Variants in TCTN2 observed in about 807,000 individuals in gnomAD.
The protein encoded by TCTN2 is tectonic family member 2, also known as tectonic-2.
Under a neutral mutation model 83.4 loss-of-function variants are expected in TCTN2, and 66 were observed. The observed-to-expected ratio is 0.79, with a 90% confidence interval of 0.65 to 0.97. The LOEUF (loss-of-function observed/expected upper bound fraction) is 0.97, where lower values mean the gene tolerates loss of function less well. Among genes scored for constraint, TCTN2 ranks in the 50% least tolerant of loss-of-function variants. The pLI is 0.00. For missense variants in TCTN2, 794 were observed against 858.1 expected (o/e 0.93, Z 0.93); for synonymous variants, 301 against 326.7 (o/e 0.92, Z 0.85).
chr12:123,699,910 A>T (rs1180723927), intron 14 of TCTN2, 100 bp downstream of exon 14: 6 of 926,024 alleles, frequency 6.5e-6, no homozygotes, highest in Non-Finnish European at 1.1e-5. Flanking sequence ...CATCTTCCTG[A>T]GGCTTGACTG....
chr12:123,690,052 A>T (rs1956023192), intron 7 of TCTN2, among the ~76,000 whole-genome samples: 1 of 152,200 alleles, frequency 6.6e-6, no homozygotes, highest in Non-Finnish European at 1.5e-5. Flanking sequence ...CTCCCACTAC[A>T]GCCTTCCAAA....
chr12:123,677,891 A>C (rs1008819072), intron 4 of TCTN2, among the ~76,000 whole-genome samples: 8 of 151,856 alleles, frequency 5.3e-5, no homozygotes, highest in Non-Finnish European at 1.2e-4. Context: ...TGGCCTCCCA[A>C]AGTGCTGGGA....
chr12:123,694,764 A>C, intron 9 of TCTN2, 78 bp from the exon 10 acceptor site: 2 of 1,541,404 alleles, frequency 1.3e-6, no homozygotes, highest in Non-Finnish European at 1.8e-6. Context: ...AAGGCCACGC[A>C]AGCAGAGAGA....
At position 123,707,100 on chromosome 12, in the gene TCTN2, A is replaced by AATTATGT; in HGVS notation, c.1984+28_1984+34dup. On this transcript the variant is annotated intron_variant, in intron 17 of 17. Coordinates refer to ENST00000303372, the MANE Select transcript of TCTN2 (RefSeq NM_024809.5). ...TAGGGTGAAACAGATTTCTATGACCAATTATGTTATGTCAATTTAAAAAAA... is the reference window on the plus strand; with the variant it reads ...TAGGGTGAAACAGATTTCTATGACCAATTATGTATTATGTTATGTCAATTTAAAAAAA... 1.9e-6 allele frequency: 3 copies of AATTATGT among 1,600,656 alleles called. No homozygotes were observed. In the East Asian group the frequency reaches 6.7e-5, roughly 36 times the overall value.
At chr12:123,687,427 G>A (rs997952894) in intron 6 of TCTN2, among the ~76,000 whole-genome samples, 2 of 152,192 alleles carry the variant, frequency 1.3e-5, no homozygotes, top group Non-Finnish European at 2.9e-5. Flanking sequence ...GGAGGCCGAG[G>A]CGGGCAGATC....
At chr12:123,699,612 G>T in intron 13 of TCTN2, 92 bp from the exon 14 acceptor site, 1 of 1,049,292 alleles carries the variant, frequency 9.5e-7, no homozygotes. Flanking sequence ...TTTAATTTAG[G>T]CACTCGGAAG....
chr12:123,691,613 T>G (rs1956041838), intron 8 of TCTN2, among the ~76,000 whole-genome samples: 1 of 152,232 alleles, frequency 6.6e-6, no homozygotes, highest in Admixed American at 6.5e-5. Context: ...TGAACACTCG[T>G]GTCCAAGTTT....
chr12:123,708,007 C>CTTTTTTTTT lies in TCTN2; in HGVS notation c.*309_*317dup, dbSNP rs983291114. 5.1e-6 allele frequency: 1 copy of CTTTTTTTTT among 196,450 alleles called. No individual in the cohort carries two copies. Among genetic ancestry groups the CTTTTTTTTT allele is most frequent in the African/African-American group, 3.4e-5 (1 of 29,232 alleles). The allele number at this position is 196,450 out of a possible 1,614,324, so 12.2% of individuals were successfully genotyped here. A position where few individuals can be genotyped will look rare whatever the true frequency, so the allele number is the denominator to read the frequency against. On this transcript the variant is annotated 3_prime_UTR_variant, in exon 18 of 18. Transcript: ENST00000303372. ...ACAGGCATGAGCCACCGCACCCGGC[C>CTTTTTTTTT]TTTTTTTTTTTTTTTTTTTTTTTGA...
chr12:123,672,026 T>A, intron 2 of TCTN2, 30 bp from the exon 3 acceptor site: 3 of 1,604,284 alleles, frequency 1.9e-6, no homozygotes, highest in Non-Finnish European at 2.6e-6. Context: ...TGGACCTTGC[T>A]GCCTTTGCAT....
intron 9 of TCTN2, among the ~76,000 whole-genome samples, chr12:123,693,836 GAGAC>G (rs1956076176): frequency 6.7e-6 from 1 of 148,950 alleles, no homozygotes; most frequent in African/African-American, 2.5e-5. Context: ...TTTTTAATTG[GAGAC>G]AGAGTCTTGC....
chr12:123,696,407 T>C lies in TCTN2; in HGVS notation c.1313-8T>C. 1 of 1,613,280 alleles carries C rather than the reference T, an allele frequency of 6.2e-7. No individual in the cohort carries two copies. The highest frequency in any genetic ancestry group is 8.5e-7 in the Non-Finnish European group (1 of 1,179,234). On this transcript the variant is annotated splice_polypyrimidine_tract_variant and splice_region_variant and intron_variant, in intron 11 of 17. Transcript: ENST00000303372. ...ACAGGCTCACGTTCCTTTGTTGTGT[T>C]TGTCTAGGTTACCAACTTGGCAAGC...
rs797046040 is a variant in TCTN2 at position 123,671,557 on chromosome 12, C to CT, written c.134dup (p.Val46GlyfsTer32). On this transcript the variant is annotated frameshift_variant, in exon 2 of 18. Coordinates refer to ENST00000303372, the MANE Select transcript of TCTN2 (RefSeq NM_024809.5). LOFTEE classifies it high-confidence loss of function. ...GTCCGGCCCTGCGGTCAGCGCGTCC[C>CT]TGGTCGGAGACACCGAGGGTGTGAC... The CT allele has an allele frequency of 1.9e-6, 3 of 1,614,066 alleles. No homozygotes were observed. The highest frequency in any genetic ancestry group is 1.3e-5 in the African/African-American group (1 of 75,036).
rs879213914 is a variant in TCTN2, at chr12:123,704,678, G to A, written c.1759G>A (p.Val587Ile). 1.9e-6 allele frequency: 3 copies of A among 1,613,504 alleles called. No individual in the cohort carries two copies. The highest frequency in any genetic ancestry group is 2.2e-5 in the South Asian group (2 of 91,042). ...GATTACTCAGCAGGAGATACTCGGT[G>A]TAGAGACAAGGTATGATCACATCTT... is the stretch of plus-strand genomic sequence containing the variant. ...EGITQQEILG[V>I]ETRFSSVNWQ... The change falls in exon 15 of 18, where the codon GTA (valine) becomes ATA (isoleucine). Residue 587 changes from valine to isoleucine, a missense_variant. Transcript: ENST00000303372.
intron 11 of TCTN2, chr12:123,695,951 C>T (rs919844541): frequency 2.2e-5 from 4 of 185,158 alleles, no homozygotes; most frequent in African/African-American, 7.2e-5. Context: ...TCAAGCAATT[C>T]TCCTGCCTCA....
At chr12:123,677,297 C>T (rs1482971817) in intron 4 of TCTN2, among the ~76,000 whole-genome samples, 2 of 152,190 alleles carry the variant, frequency 1.3e-5, no homozygotes, top group Admixed American at 6.5e-5. Flanking sequence ...TTCCGGATAC[C>T]ATTGATGTAT....
intron 15 of TCTN2, among the ~76,000 whole-genome samples, chr12:123,706,431 G>C (rs1387504673): frequency 6.6e-6 from 1 of 152,186 alleles, no homozygotes; most frequent in East Asian, 1.9e-4. Flanking sequence ...AGGTACCTTT[G>C]ATAGCACCTG....
At chr12:123,676,048 G>A (rs1316570389) in intron 4 of TCTN2, among the ~76,000 whole-genome samples, 2 of 152,182 alleles carry the variant, frequency 1.3e-5, no homozygotes, top group Non-Finnish European at 2.9e-5. Context: ...AGAGGCTGAG[G>A]TGAGTGGGCC....
intron 9 of TCTN2, among the ~76,000 whole-genome samples, chr12:123,694,470 G>A (rs775263944): frequency 9.9e-5 from 15 of 152,196 alleles, no homozygotes; most frequent in African/African-American, 2.7e-4. Flanking sequence ...GAGTTCCTAC[G>A]CCGTAGTAGG....
At chr12:123,697,595 G>A (rs895079528) in intron 13 of TCTN2, among the ~76,000 whole-genome samples, 3 of 152,074 alleles carry the variant, frequency 2.0e-5, no homozygotes, top group African/African-American at 7.2e-5. Context: ...TGCCTCTCCG[G>A]TTCAAGCAAT....
Sources: gnomAD v4.1 joint callset for allele counts (sites outside exome capture counted in the v4.1 genomes callset) on GRCh38, gnomAD v4.1.1 for gene constraint, MANE v1.5 for transcripts, NCBI Gene and HGNC (gene_info 2026-07-23, HGNC 2026-07-21) for gene names.